NME8: variants seen among roughly 807,000 people sequenced by gnomAD.
The protein encoded by NME8 is protein NME8.
Under a neutral mutation model 82.3 loss-of-function variants are expected in NME8, and 72 were observed. The ratio of observed to expected loss-of-function variants is 0.87; its 90% CI spans 0.72 to 1.06. NME8 has a LOEUF of 1.06. Among genes scored for constraint, NME8 ranks in the 50% least tolerant of loss-of-function variants. The pLI is 0.00. For synonymous variants in NME8, 267 were observed against 228.5 expected (o/e 1.17, Z -1.52); for missense variants, 712 against 685.4 (o/e 1.04, Z -0.43).
At chr7:37,895,454 T>G (rs1267541322) in intron 16 of NME8, among the ~76,000 whole-genome samples, 1 of 152,174 alleles carries the variant, frequency 6.6e-6, no homozygotes, top group Non-Finnish European at 1.5e-5. Flanking sequence ...GGCTAGAAGT[T>G]GTCCGCAGTC....
rs770252954 is a variant in NME8, at chr7:37,861,991, A to G, written c.271-37A>G. 23 of 1,344,124 alleles carry G rather than the reference A, an allele frequency of 1.7e-5. No homozygotes were observed. The South Asian group carries it at 2.7e-4, about 16-fold the overall frequency. 83.3% of individuals were successfully genotyped at this position (1,344,124 alleles called of 1,614,324 possible). A position where few individuals can be genotyped will look rare whatever the true frequency, so the allele number is the denominator to read the frequency against. On this transcript the variant is annotated intron_variant, in intron 6 of 17. Coordinates refer to ENST00000199447, the MANE Select transcript of NME8 (RefSeq NM_016616.5). Reference sequence around the variant, plus strand: ...GTGTTAGTTCTTGGTGTGTTCTCCAAATGAAAGTTCCCCTCCTGTTTTCAT... The same window carrying G: ...GTGTTAGTTCTTGGTGTGTTCTCCAGATGAAAGTTCCCCTCCTGTTTTCAT...
At chr7:37,898,462 A>G (rs1262856373) in intron 17 of NME8, among the ~76,000 whole-genome samples, 1 of 152,238 alleles carries the variant, frequency 6.6e-6, no homozygotes, top group Non-Finnish European at 1.5e-5. Flanking sequence ...CAAAAGGAAG[A>G]AACTACCCAA....
chr7:37,883,490 T>C (rs751598349), intron 12 of NME8, among the ~76,000 whole-genome samples: 18 of 152,240 alleles, frequency 1.2e-4, no homozygotes, highest in Non-Finnish European at 2.9e-5. Context: ...TTCTACTTTA[T>C]TCACTCTATT....
chr7:37,892,789 A>G (rs1353392325), intron 15 of NME8, among the ~76,000 whole-genome samples: 1 of 151,730 alleles, frequency 6.6e-6, no homozygotes, highest in East Asian at 1.9e-4. Flanking sequence ...TGAAGTTCTG[A>G]TTTATGATTT....
intron 10 of NME8, among the ~76,000 whole-genome samples, chr7:37,865,923 A>G (rs1784669637): frequency 6.6e-6 from 1 of 151,964 alleles, no homozygotes; most frequent in Non-Finnish European, 1.5e-5. Flanking sequence ...ATATCCAGTC[A>G]TTTTCTATTG....
chr7:37,884,513 C>A, intron 13 of NME8, 66 bp downstream of exon 13: 1 of 1,445,672 alleles, frequency 6.9e-7, no homozygotes, highest in Non-Finnish European at 9.7e-7. Context: ...TCTCTTAAGT[C>A]TGGTTTCTAT....
chr7:37,864,495 G>A, intron 9 of NME8, 74 bp downstream of exon 9: 1 of 1,416,900 alleles, frequency 7.1e-7, no homozygotes, highest in East Asian at 2.5e-5. Flanking sequence ...TCAAAGACAA[G>A]CGTACCATTT....
chr7:37,885,245 C>T lies in NME8; in HGVS notation c.1240C>T (p.Pro414Ser). 5.0e-6 allele frequency: 8 copies of T among 1,604,622 alleles called. No homozygotes were observed. Among genetic ancestry groups the T allele is most frequent in the Admixed American group, 1.7e-5 (1 of 59,950 alleles). ...RTVEEAIEYF[P>S]ESLCAQFAMD... ...TGTTGAAGAAGCCATTGAATATTTT[C>T]CAGAGAGGTAGGATTCATACCATGG... is the stretch of plus-strand genomic sequence containing the variant. Residue 414 changes from proline to serine, a missense_variant, in exon 14 of 18, where the codon CCA becomes TCA. Coordinates refer to ENST00000199447, the MANE Select transcript of NME8 (RefSeq NM_016616.5).
chr7:37,854,519 T>C (rs1361204159), intron 5 of NME8, among the ~76,000 whole-genome samples: 1 of 152,202 alleles, frequency 6.6e-6, no homozygotes, highest in African/African-American at 2.4e-5. Context: ...TGTTTCTATG[T>C]GGTACCAATC....
At chr7:37,880,863 T>G (rs1298276998) in intron 12 of NME8, among the ~76,000 whole-genome samples, 1 of 152,188 alleles carries the variant, frequency 6.6e-6, no homozygotes, top group Non-Finnish European at 1.5e-5. Flanking sequence ...TTTTGATAGA[T>G]TTTTGCCCAT....
At chr7:37,884,185 T>G (rs1785006315) in intron 12 of NME8, 118 bp from the exon 13 acceptor site, 1 of 740,384 alleles carries the variant, frequency 1.4e-6, no homozygotes. Flanking sequence ...CTGCAAACTT[T>G]CAAAATTTCG....
intron 6 of NME8, among the ~76,000 whole-genome samples, chr7:37,860,690 C>T (rs967810749): frequency 6.6e-6 from 1 of 152,194 alleles, no homozygotes; most frequent in East Asian, 1.9e-4. Context: ...TTTACATCTT[C>T]AGCTGAATGC....
rs780574300 is a variant in NME8, at chr7:37,862,158, T to C, written c.387+14T>C. 6.6e-7 allele frequency: 1 copy of C among 1,516,790 alleles called. No individual in the cohort carries two copies. Among genetic ancestry groups the C allele is most frequent in the Admixed American group, 1.7e-5 (1 of 59,848 alleles). 94.0% of individuals were successfully genotyped at this position (1,516,790 alleles called of 1,614,324 possible). A position where few individuals can be genotyped will look rare whatever the true frequency, so the allele number is the denominator to read the frequency against. ...GCTCGACCTCAGGTAATACTTTGGA[T>C]TAACAACAGTTTGAAGACAAGCTTA... On this transcript the variant is annotated intron_variant, in intron 7 of 17. Coordinates refer to ENST00000199447, the MANE Select transcript of NME8 (RefSeq NM_016616.5).
At chr7:37,883,720 A>G (rs911639728) in intron 12 of NME8, among the ~76,000 whole-genome samples, 8 of 152,170 alleles carry the variant, frequency 5.3e-5, no homozygotes, top group African/African-American at 1.9e-4. Flanking sequence ...TATAAATATC[A>G]TTGACCATAG....
chr7:37,873,953 TA>T (rs1784810269), intron 11 of NME8, among the ~76,000 whole-genome samples: 1 of 152,168 alleles, frequency 6.6e-6, no homozygotes, highest in African/African-American at 2.4e-5. Context: ...ATAAGTTACT[TA>T]CAAGGGAAAA....
rs1411405059 is a variant in NME8 at position 37,850,359 on chromosome 7, A to G, written c.34-19A>G. ...GCACTAGTGCTTGAATACCTTTTACAGTGCCTTCCACTTTGCAGACAGTCA... is the reference window on the plus strand; with the variant it reads ...GCACTAGTGCTTGAATACCTTTTACGGTGCCTTCCACTTTGCAGACAGTCA... On this transcript the variant is annotated intron_variant, in intron 3 of 17. Coordinates refer to ENST00000199447, the MANE Select transcript of NME8 (RefSeq NM_016616.5). 6.2e-7 allele frequency: 1 copy of G among 1,614,124 alleles called. No homozygotes were observed. Among genetic ancestry groups the G allele is most frequent in the African/African-American group, 1.3e-5 (1 of 75,050 alleles).
Position 37,897,126 on chromosome 7 carries a change from ATTATT to A in NME8, c.*15+31_*15+35del, listed in dbSNP as rs769184785. The A allele has an allele frequency of 1.2e-5, 17 of 1,430,520 alleles. No homozygotes were observed. Among genetic ancestry groups the A allele is most frequent in the Non-Finnish European group, 1.6e-5 (16 of 1,017,212 alleles). 88.6% of individuals were successfully genotyped at this position (1,430,520 alleles called of 1,614,324 possible). A position where few individuals can be genotyped will look rare whatever the true frequency, so the allele number is the denominator to read the frequency against. ...CTGTGAAGTACGTACCTGTTTAATT[ATTATT>A]TTATTTTATTTGCTTGTTGCAGTGA... On this transcript the variant is annotated intron_variant, in intron 17 of 17. Transcript: ENST00000199447.
chr7:37,857,249 T>C (rs1205500360), intron 5 of NME8, 25 bp from the exon 6 acceptor site: 2 of 1,539,966 alleles, frequency 1.3e-6, no homozygotes, highest in South Asian at 1.1e-5. Flanking sequence ...TATTTATTAT[T>C]ATATGAAATG....
intron 11 of NME8, among the ~76,000 whole-genome samples, chr7:37,870,070 G>A (rs994955971): frequency 3.9e-5 from 6 of 151,992 alleles, no homozygotes; most frequent in South Asian, 2.1e-4. Context: ...ATTCTCCCTC[G>A]TCATCCTTTA....
Sources: gnomAD v4.1 joint callset for allele counts (sites outside exome capture counted in the v4.1 genomes callset) on GRCh38, gnomAD v4.1.1 for gene constraint, MANE v1.5 for transcripts, NCBI Gene and HGNC (gene_info 2026-07-23, HGNC 2026-07-21) for gene names.